The following EYS variants were observed in gnomAD, a reference collection of about 807,000 sequenced individuals.
The protein encoded by EYS is EGF-like photoreceptor maintenance factor.
EYS carries 250 observed loss-of-function variants against 282.1 expected under a neutral mutation model. That is an observed-to-expected ratio of 0.89 (90% CI 0.80 to 0.98). EYS has a LOEUF of 0.98. Ranked by LOEUF, EYS falls within the 50% of genes least tolerant of loss-of-function variation. The probability of loss-of-function intolerance (pLI) is 0.00; values close to 1 mark genes in which losing one functional copy is unlikely to be tolerated. For missense variants in EYS, 4,016 were observed against 3,709.0 expected (o/e 1.08, Z -2.15); for synonymous variants, 1,355 against 1,282.9 (o/e 1.06, Z -1.20).
chr6:64,903,871 A>C (rs983462254), intron 16 of EYS, among the ~76,000 whole-genome samples: 1 of 152,148 alleles, frequency 6.6e-6, no homozygotes, highest in Non-Finnish European at 1.5e-5. Flanking sequence ...CACCTTATAA[A>C]ATCTGGCTGC....
chr6:64,789,139 C>A (rs1233284681), intron 22 of EYS, among the ~76,000 whole-genome samples: 1 of 152,138 alleles, frequency 6.6e-6, no homozygotes, highest in Non-Finnish European at 1.5e-5. Flanking sequence ...CCAGTCTTAT[C>A]CACTTCTATT....
intron 30 of EYS, 150 bp from the exon 31 acceptor site, chr6:64,230,974 G>T (rs914660458): frequency 2.0e-6 from 1 of 506,370 alleles, no homozygotes; most frequent in Non-Finnish European, 3.5e-6. Flanking sequence ...TATCATGTTT[G>T]TTTCACAATT....
chr6:63,824,828 C>CA (rs201415910), intron 36 of EYS, among the ~76,000 whole-genome samples: 1,912 of 152,170 alleles, frequency 0.013, 30 homozygotes, highest in African/African-American at 0.044. Context: ...GCCAGAGGAA[C>CA]GGGGGCAAAA....
At chr6:63,761,098 C>A (rs993612336) in intron 41 of EYS, among the ~76,000 whole-genome samples, 2 of 147,002 alleles carry the variant, frequency 1.4e-5, no homozygotes, top group African/African-American at 5.0e-5. Context: ...AGATACTCAA[C>A]AGACATGGTC....
At chr6:65,404,160 T>C (rs1322691189) in intron 6 of EYS, among the ~76,000 whole-genome samples, 1 of 152,038 alleles carries the variant, frequency 6.6e-6, no homozygotes, top group African/African-American at 2.4e-5. Flanking sequence ...TCATTTATGG[T>C]CCCTTCCTCC....
chr6:64,433,574 A>T (rs1292183453), intron 28 of EYS, among the ~76,000 whole-genome samples: 2 of 152,154 alleles, frequency 1.3e-5, no homozygotes, highest in East Asian at 3.9e-4. Flanking sequence ...GATTATTTAG[A>T]TCAGATATAG....
In EYS at chr6:65,254,102, A is replaced by G. The variant is rs534493144; in HGVS notation, c.2023+41761T>C. ...AGTCTTTAAAACATATGCCGAGATA[A>G]CATAGCATTTATTTTGATACACAGA... On this transcript the variant is annotated intron_variant, in intron 12 of 42. Coordinates refer to ENST00000503581, the MANE Select transcript of EYS (RefSeq NM_001142800.2). Among the ~76,000 whole-genome samples, 53 of 152,014 alleles carry G rather than the reference A, an allele frequency of 3.5e-4. 1 individual carries two copies. Among genetic ancestry groups the G allele is most frequent in the Admixed American group, 2.5e-3 (38 of 15,222 alleles).
intron 12 of EYS, among the ~76,000 whole-genome samples, chr6:65,200,246 T>C (rs894399866): frequency 1.3e-5 from 2 of 148,180 alleles, no homozygotes; most frequent in African/African-American, 5.2e-5. Flanking sequence ...GGAAATTCTA[T>C]TTGATGAGGG....
intron 35 of EYS, among the ~76,000 whole-genome samples, chr6:63,919,909 C>T (rs909977273): frequency 6.6e-6 from 1 of 152,208 alleles, no homozygotes; most frequent in Non-Finnish European, 1.5e-5. Context: ...GGTTAATTAT[C>T]CACCTTTCCA....
intron 26 of EYS, among the ~76,000 whole-genome samples, chr6:64,521,733 C>G (rs981599081): frequency 6.6e-6 from 1 of 151,754 alleles, no homozygotes; most frequent in African/African-American, 2.4e-5. Flanking sequence ...TGTCCCTTTT[C>G]CCTTATGACT....
chr6:64,343,873 A>G (rs906538163), intron 29 of EYS, among the ~76,000 whole-genome samples: 2 of 152,130 alleles, frequency 1.3e-5, no homozygotes, highest in African/African-American at 4.8e-5. Context: ...GATAAAGGGG[A>G]TATCACCACT....
intron 11 of EYS, among the ~76,000 whole-genome samples, chr6:65,299,979 T>C (rs1230461063): frequency 6.6e-6 from 1 of 152,214 alleles, no homozygotes; most frequent in African/African-American, 2.4e-5. Context: ...ATTCATTTTA[T>C]ATAATTATGT....
rs538226570 is a variant in EYS, at chr6:64,081,657, G to A, written c.6571+199C>T. 2.0e-5 allele frequency among the ~76,000 whole-genome samples: 3 copies of A among 152,266 alleles called. No homozygotes were observed. In the East Asian group the frequency reaches 5.8e-4, roughly 29 times the overall value. On this transcript the variant is annotated intron_variant, in intron 32 of 42. Transcript: ENST00000503581. ...TGTCTTGTCAGCTCAGATCCTGTTTGTAAGTCACGTTCCATTGAATGACTC... is the reference window on the plus strand; with the variant it reads ...TGTCTTGTCAGCTCAGATCCTGTTTATAAGTCACGTTCCATTGAATGACTC...
intron 12 of EYS, among the ~76,000 whole-genome samples, chr6:65,191,728 G>T (rs1192809555): frequency 6.6e-6 from 1 of 151,748 alleles, no homozygotes. Flanking sequence ...CCCTGAACAA[G>T]GAGCTATCTC....
At chr6:64,583,840 T>C (rs1426237964) in intron 26 of EYS, among the ~76,000 whole-genome samples, 2 of 152,064 alleles carry the variant, frequency 1.3e-5, no homozygotes, top group African/African-American at 2.4e-5. Flanking sequence ...TCTTCTAATT[T>C]CACTAAAACG....
intron 12 of EYS, among the ~76,000 whole-genome samples, chr6:65,064,484 GTATA>G (rs1484142591): frequency 6.9e-6 from 1 of 144,448 alleles, no homozygotes; most frequent in Non-Finnish European, 1.5e-5. Context: ...ATGATATATA[GTATA>G]TATAATATAT....
chr6:63,759,224 A>G (rs1370046874), intron 41 of EYS, among the ~76,000 whole-genome samples: 1 of 152,200 alleles, frequency 6.6e-6, no homozygotes, highest in East Asian at 1.9e-4. Flanking sequence ...GCAGAATGAA[A>G]TCTCCCCAGA....
At chr6:64,725,761 G>A (rs1330172316) in intron 22 of EYS, among the ~76,000 whole-genome samples, 2 of 151,630 alleles carry the variant, frequency 1.3e-5, no homozygotes, top group Non-Finnish European at 2.9e-5. Flanking sequence ...TTATATCCAT[G>A]TCTTATTGAT....
At chr6:64,864,325 G>T (rs1427111635) in intron 19 of EYS, among the ~76,000 whole-genome samples, 2 of 146,940 alleles carry the variant, frequency 1.4e-5, no homozygotes, top group Non-Finnish European at 3.0e-5. Context: ...GAGCTAAGTT[G>T]GCACAAGTGC....
Sources: allele counts gnomAD v4.1 joint callset (sites outside exome capture counted in the v4.1 genomes callset), GRCh38; gene constraint gnomAD v4.1.1; transcripts MANE v1.5; gene names NCBI Gene and HGNC (gene_info 2026-07-23, HGNC 2026-07-21).